The following HDAC9 variants were observed in gnomAD, a reference collection of about 807,000 sequenced individuals.
HDAC9 encodes MEF-2 interacting transcription repressor (MITR) protein.
A neutral mutation model predicts 139.4 loss-of-function variants in HDAC9; 41 were observed. The observed-to-expected ratio is 0.29, with a 90% CI of 0.23 to 0.38. HDAC9 has a LOEUF of 0.38. Ranked by LOEUF, HDAC9 falls within the 10% of genes least tolerant of loss-of-function variation. The pLI, the probability that HDAC9 is intolerant of heterozygous loss-of-function variation, is 1.00. For synonymous variants in HDAC9, 517 were observed against 476.2 expected (o/e 1.09, Z -1.12); for missense variants, 1,147 against 1,297.0 (o/e 0.88, Z 1.78).
chr7:18,766,009 T>C (rs1562925864), intron 15 of HDAC9, among the ~76,000 whole-genome samples: 1 of 152,216 alleles, frequency 6.6e-6, no homozygotes, highest in Non-Finnish European at 1.5e-5. Flanking sequence ...TGATTTATTG[T>C]TTTCAAAACA....
At chr7:18,617,176 A>G (rs922056763) in intron 6 of HDAC9, among the ~76,000 whole-genome samples, 7 of 152,092 alleles carry the variant, frequency 4.6e-5, no homozygotes, top group Non-Finnish European at 8.8e-5. Flanking sequence ...GTTATTAACC[A>G]CTGATTCCAT....
At position 18,727,592 on chromosome 7, in the gene HDAC9, C is replaced by T; in HGVS notation, c.1744C>T (p.Pro582Ser). ...TTCTTGGCAACAGCCTTTCCTGGAA[C>T]CCACGCACACACGTGCGCTCTCTGT... ...AAFMQQPFLE[P>S]THTRALSVRQ... Residue 582 changes from proline to serine, a missense_variant, in exon 13 of 26, where the codon CCC becomes TCC. Pro to Ser is a moderately conservative substitution (Grantham distance 74). Around this residue, in one of 7 missense-constraint regions of HDAC9, gnomAD observed 256 missense variants for 219.2 expected, o/e 1.17. Transcript: ENST00000686413. 6.3e-7 allele frequency: 1 copy of T among 1,596,158 alleles called. No homozygotes were observed. The highest frequency in any genetic ancestry group is 1.8e-5 in the Admixed American group (1 of 56,696).
rs1234907209 is a variant in HDAC9, at chr7:18,714,743, C to T, written c.1732-12837C>T. 2.6e-5 allele frequency among the ~76,000 whole-genome samples: 4 copies of T among 152,186 alleles called. No homozygotes were observed. In the East Asian group the frequency reaches 7.7e-4, roughly 29 times the overall value. ...GTACTACTCTTCATAACTCTTACCT[C>T]CATTGCTCTTTTATAATTATTTGTG... On this transcript the variant is annotated intron_variant, in intron 12 of 25. Transcript: ENST00000686413.
intron 22 of HDAC9, among the ~76,000 whole-genome samples, chr7:18,876,592 G>A (rs1378294125): frequency 6.6e-6 from 1 of 151,970 alleles, no homozygotes; most frequent in Non-Finnish European, 1.5e-5. Context: ...AAATAACTGG[G>A]GTTAAAATCA....
At chr7:18,335,494 T>C (rs1781519109) in intron 1 of HDAC9, among the ~76,000 whole-genome samples, 1 of 151,504 alleles carries the variant, frequency 6.6e-6, no homozygotes, top group African/African-American at 2.4e-5. Context: ...TTAGTGCAAG[T>C]CTGGGAAGGC....
intron 12 of HDAC9, among the ~76,000 whole-genome samples, chr7:18,727,172 G>A (rs1785614619): frequency 6.6e-6 from 1 of 152,148 alleles, no homozygotes; most frequent in South Asian, 2.1e-4. Context: ...TCAGAATTAG[G>A]CCTCACTGGC....
intron 25 of HDAC9, among the ~76,000 whole-genome samples, chr7:18,991,672 T>A (rs1441447964): frequency 6.6e-6 from 1 of 151,932 alleles, no homozygotes; most frequent in African/African-American, 2.4e-5. Flanking sequence ...ATCAGTGAGA[T>A]AAACAGACTT....
At chr7:18,630,767 T>C (rs545090487) in intron 7 of HDAC9, among the ~76,000 whole-genome samples, 1 of 152,220 alleles carries the variant, frequency 6.6e-6, no homozygotes, top group East Asian at 1.9e-4. Context: ...GAAATACTAT[T>C]GTATGTAAGT....
chr7:18,472,597 C>T (rs979201824), intron 1 of HDAC9, among the ~76,000 whole-genome samples: 8 of 152,324 alleles, frequency 5.3e-5, no homozygotes, highest in African/African-American at 1.7e-4. Flanking sequence ...TCTATTCCCT[C>T]TGCGTGAAGC....
intron 1 of HDAC9, among the ~76,000 whole-genome samples, chr7:18,412,337 A>ACG (rs1788646205): frequency 6.6e-6 from 1 of 152,172 alleles, no homozygotes; most frequent in East Asian, 1.9e-4. Flanking sequence ...CTCACTGAAA[A>ACG]AACTATAATA....
intron 2 of HDAC9, among the ~76,000 whole-genome samples, chr7:18,274,144 C>T (rs1391513380): frequency 6.6e-6 from 1 of 152,046 alleles, no homozygotes; most frequent in African/African-American, 2.4e-5. Context: ...CGGGATTGTT[C>T]ATAATATTAA....
chr7:18,999,336 A>G lies in HDAC9; in HGVS notation c.*3274A>G, dbSNP rs1271311975. 1 of 152,260 alleles carries G rather than the reference A, an allele frequency of 6.6e-6. No individual in the cohort carries two copies. The highest frequency in any genetic ancestry group is 2.4e-5 in the African/African-American group (1 of 41,460). 9.4% of individuals were successfully genotyped at this position (152,260 alleles called of 1,614,324 possible). A position where few individuals can be genotyped will look rare whatever the true frequency, so the allele number is the denominator to read the frequency against. Reference sequence around the variant, plus strand: ...AATAGTTTAGTCCTGCTTTATTTCCAAAGGGCAATTATAAAGCCTCGTGGA... The same window carrying G: ...AATAGTTTAGTCCTGCTTTATTTCCGAAGGGCAATTATAAAGCCTCGTGGA... On this transcript the variant is annotated 3_prime_UTR_variant, in exon 26 of 26. Transcript: ENST00000686413.
intron 22 of HDAC9, among the ~76,000 whole-genome samples, chr7:18,891,589 A>ATGG (rs1800684910): frequency 6.6e-6 from 1 of 152,162 alleles, no homozygotes; most frequent in Non-Finnish European, 1.5e-5. Context: ...TAGCCTAAGG[A>ATGG]TGGTGGCAAG....
chr7:18,789,341 C>T (rs7783209), intron 16 of HDAC9, among the ~76,000 whole-genome samples: 1 of 151,290 alleles, frequency 6.6e-6, no homozygotes, highest in Non-Finnish European at 1.5e-5. Context: ...CTCCCTTTCT[C>T]TCTCTCACTG....
chr7:18,549,587 AAC>A (rs771498982), intron 2 of HDAC9, among the ~76,000 whole-genome samples: 1 of 152,218 alleles, frequency 6.6e-6, no homozygotes, highest in Admixed American at 6.5e-5. Context: ...TCAATTTATT[AAC>A]ATTTTAAGGA....
At chr7:18,098,391 A>G (rs1264197337) in intron 1 of HDAC9, among the ~76,000 whole-genome samples, 4 of 152,232 alleles carry the variant, frequency 2.6e-5, no homozygotes, top group Non-Finnish European at 5.9e-5. Flanking sequence ...ATAAGTTGAA[A>G]TCAGCTCTGC....
rs550988324 is a variant in HDAC9 at position 18,708,425 on chromosome 7, T to A, written c.1732-19155T>A. ...TGGCTTTCTCTAACTGTCACATGTTTAAAAATAGACAAAGCAAATAGTGAG... is the reference window on the plus strand; with the variant it reads ...TGGCTTTCTCTAACTGTCACATGTTAAAAAATAGACAAAGCAAATAGTGAG... On this transcript the variant is annotated intron_variant, in intron 12 of 25. Coordinates refer to ENST00000686413, the MANE Select transcript of HDAC9 (RefSeq NM_178425.4). Among the ~76,000 whole-genome samples the A allele has an allele frequency of 2.0e-5, 3 of 152,314 alleles. No homozygotes were observed. In the East Asian group the frequency reaches 5.8e-4, roughly 29 times the overall value.
intron 1 of HDAC9, among the ~76,000 whole-genome samples, chr7:18,324,964 T>A (rs959026353): frequency 6.6e-6 from 1 of 152,168 alleles, no homozygotes; most frequent in Non-Finnish European, 1.5e-5. Flanking sequence ...CTTAAAGTTA[T>A]AATAAGCCCC....
At chr7:18,697,873 T>C (rs1314944204) in intron 12 of HDAC9, among the ~76,000 whole-genome samples, 2 of 152,126 alleles carry the variant, frequency 1.3e-5, no homozygotes, top group Admixed American at 1.3e-4. Flanking sequence ...GGTTGAATTT[T>C]AGGGAGGCAT....
Sources: allele counts gnomAD v4.1 joint callset (sites outside exome capture counted in the v4.1 genomes callset), GRCh38; gene constraint gnomAD v4.1.1; regional missense constraint gnomAD v4.1.1; transcripts MANE v1.5; gene names NCBI Gene and HGNC (gene_info 2026-07-23, HGNC 2026-07-21).